Variants in DLGAP2 observed in about 807,000 individuals in gnomAD.
DLGAP2 encodes disks large-associated protein 2.
DLGAP2 carries 26 observed loss-of-function variants against 100.3 expected under a neutral mutation model. The ratio of observed to expected loss-of-function variants is 0.26; its 90% CI spans 0.19 to 0.36. The LOEUF (loss-of-function observed/expected upper bound fraction) is 0.36. Among genes scored for constraint, DLGAP2 ranks in the 10% least tolerant of loss-of-function variants. The probability of loss-of-function intolerance (pLI) is 1.00; values close to 1 mark genes in which losing one functional copy is unlikely to be tolerated. For missense variants in DLGAP2, 1,858 were observed against 1,453.2 expected (o/e 1.28, Z -4.53); for synonymous variants, 886 against 630.1 (o/e 1.41, Z -6.08).
chr8:741,149 C>A (rs1399921436), intron 1 of DLGAP2, among the ~76,000 whole-genome samples: 1 of 152,236 alleles, frequency 6.6e-6, no homozygotes, highest in Non-Finnish European at 1.5e-5. Flanking sequence ...CGTACAAAAA[C>A]TGAGCATAGT....
intron 2 of DLGAP2, among the ~76,000 whole-genome samples, chr8:1,028,962 G>C (rs562841028): frequency 2.0e-5 from 3 of 152,184 alleles, no homozygotes; most frequent in Non-Finnish European, 4.4e-5. Flanking sequence ...TGGGCCCTGA[G>C]GGAGGAGGAT....
At chr8:1,579,456 T>A (rs1217526585) in intron 6 of DLGAP2, among the ~76,000 whole-genome samples, 3 of 152,168 alleles carry the variant, frequency 2.0e-5, no homozygotes, top group Admixed American at 1.3e-4. Flanking sequence ...ATTAAAAACT[T>A]ATTTATGATA....
At chr8:882,886 G>T (rs550984131) in intron 1 of DLGAP2, among the ~76,000 whole-genome samples, 1 of 152,368 alleles carries the variant, frequency 6.6e-6, no homozygotes, top group Admixed American at 6.5e-5. Context: ...CTCACGCTGC[G>T]ACGTTGTTTT....
chr8:1,390,236 A>T (rs1313545270), intron 3 of DLGAP2, among the ~76,000 whole-genome samples: 1 of 152,096 alleles, frequency 6.6e-6, no homozygotes, highest in African/African-American at 2.4e-5. Context: ...TGAAAACCAG[A>T]TGGGAGCCTC....
intron 3 of DLGAP2, among the ~76,000 whole-genome samples, chr8:1,436,820 C>T (rs1034294128): frequency 3.9e-5 from 6 of 152,212 alleles, no homozygotes; most frequent in African/African-American, 1.4e-4. Context: ...TGAGTGTCCT[C>T]TGCAGACGTA....
At chr8:1,130,923 C>T (rs2129049072) in intron 2 of DLGAP2, among the ~76,000 whole-genome samples, 1 of 152,172 alleles carries the variant, frequency 6.6e-6, no homozygotes, top group South Asian at 2.1e-4. Context: ...AGACGGGCCT[C>T]CCTGATGAGG....
chr8:983,624 C>A (rs1800405071), intron 2 of DLGAP2, among the ~76,000 whole-genome samples: 1 of 152,156 alleles, frequency 6.6e-6, no homozygotes, highest in Non-Finnish European at 1.5e-5. Context: ...AAAGAGGTAG[C>A]ATTTATTTTA....
intron 1 of DLGAP2, among the ~76,000 whole-genome samples, chr8:741,243 C>T (rs375439100): frequency 2.0e-5 from 3 of 152,170 alleles, no homozygotes; most frequent in South Asian, 2.1e-4. Context: ...GGCATGGGGT[C>T]GTAGGGTGTG....
rs146554656 is a variant in DLGAP2 at position 1,438,257 on chromosome 8, C to T, written c.107-63109C>T. Among the ~76,000 whole-genome samples the T allele has an allele frequency of 6.1e-3, 928 of 152,190 alleles. 10 individuals are homozygous for T. Among genetic ancestry groups the T allele is most frequent in the African/African-American group, 0.02 (838 of 41,542 alleles). ...TCAGACTTTGAAGTCTTTCCCCATC[C>T]CAGTTTCCTCCCCCAACCATGTCAT... On this transcript the variant is annotated intron_variant, in intron 3 of 14. Transcript: ENST00000637795.
intron 3 of DLGAP2, among the ~76,000 whole-genome samples, chr8:1,343,103 T>C (rs879882998): frequency 1.3e-5 from 2 of 152,218 alleles, no homozygotes; most frequent in African/African-American, 2.4e-5. Context: ...TAGTAGATGG[T>C]GCTTAATTAT....
chr8:1,453,222 G>A (rs374776154), intron 3 of DLGAP2, among the ~76,000 whole-genome samples: 5 of 152,120 alleles, frequency 3.3e-5, no homozygotes, highest in East Asian at 1.9e-4. Flanking sequence ...CACAGTTCTC[G>A]GAGCTGGGAC....
chr8:1,108,150 G>A (rs1379558397), intron 2 of DLGAP2, among the ~76,000 whole-genome samples: 2 of 152,048 alleles, frequency 1.3e-5, no homozygotes, highest in African/African-American at 2.4e-5. Flanking sequence ...GAGATCTTAG[G>A]TAAGAAGAAA....
At chr8:1,234,130 A>C (rs1798594099) in intron 2 of DLGAP2, among the ~76,000 whole-genome samples, 1 of 152,208 alleles carries the variant, frequency 6.6e-6, no homozygotes, top group Admixed American at 6.5e-5. Context: ...AGAGGAATTA[A>C]GTTTCAAAGG....
chr8:1,436,716 C>G (rs917045160), intron 3 of DLGAP2, among the ~76,000 whole-genome samples: 2 of 152,004 alleles, frequency 1.3e-5, no homozygotes, highest in African/African-American at 4.8e-5. Flanking sequence ...GCATTCACTC[C>G]CCACTCACCC....
At chr8:1,573,243 G>T (rs528903933) in intron 6 of DLGAP2, among the ~76,000 whole-genome samples, 1 of 135,736 alleles carries the variant, frequency 7.4e-6, no homozygotes, top group East Asian at 2.4e-4. Context: ...AACTGGAGGG[G>T]CGTCTTCTGG....
intron 5 of DLGAP2, among the ~76,000 whole-genome samples, chr8:1,560,583 G>A (rs952921900): frequency 2.6e-5 from 4 of 152,152 alleles, no homozygotes; most frequent in Non-Finnish European, 4.4e-5. Context: ...CCACTCTAAG[G>A]ACATGACCAG....
intron 2 of DLGAP2, among the ~76,000 whole-genome samples, chr8:1,174,917 C>G (rs951557053): frequency 5.3e-5 from 8 of 152,028 alleles, no homozygotes; most frequent in Non-Finnish European, 1.2e-4. Flanking sequence ...TCTGAGAGAG[C>G]TTATGTTGTT....
chr8:824,442 G>A (rs926002486), intron 1 of DLGAP2, among the ~76,000 whole-genome samples: 2 of 152,120 alleles, frequency 1.3e-5, no homozygotes, highest in African/African-American at 4.8e-5. Context: ...AGGGTTCCCT[G>A]CAGGAAATGA....
At chr8:1,584,051 C>G (rs1796035731) in intron 6 of DLGAP2, among the ~76,000 whole-genome samples, 1 of 152,106 alleles carries the variant, frequency 6.6e-6, no homozygotes, top group Non-Finnish European at 1.5e-5. Context: ...TACCACATGC[C>G]TGTTTGCTTT....
Sources: gnomAD v4.1 joint callset for allele counts (sites outside exome capture counted in the v4.1 genomes callset) on GRCh38, gnomAD v4.1.1 for gene constraint, MANE v1.5 for transcripts, NCBI Gene and HGNC (gene_info 2026-07-23, HGNC 2026-07-21) for gene names.